Variants in PHF24 observed in about 807,000 individuals in gnomAD.
The protein encoded by PHF24 is PHD finger protein 24.
A neutral mutation model predicts 42.6 loss-of-function variants in PHF24; 25 were observed. The ratio of observed to expected loss-of-function variants is 0.59; its 90% CI spans 0.43 to 0.82. The LOEUF (loss-of-function observed/expected upper bound fraction) is 0.82. Among genes scored for constraint, PHF24 ranks in the 40% least tolerant of loss-of-function variants. PHF24 has a pLI of 0.00. For missense variants in PHF24, 470 were observed against 538.1 expected (o/e 0.87, Z 1.25); for synonymous variants, 185 against 204.8 (o/e 0.90, Z 0.83).
chr9:34,962,065 T>C (rs1245066985), intron 1 of PHF24, among the ~76,000 whole-genome samples: 1 of 152,216 alleles, frequency 6.6e-6, no homozygotes, highest in Non-Finnish European at 1.5e-5. Flanking sequence ...GGCCAAACAA[T>C]GCACTCACTG....
At chr9:34,872,660 T>C in the PHF24 span, among the ~76,000 whole-genome samples, 3,357 of 140,084 alleles carry the variant, frequency 0.024, 139 homozygotes, top group African/African-American at 0.082. Flanking sequence ...AATGCCGCAA[T>C]AAACATACGT....
the PHF24 span, among the ~76,000 whole-genome samples, chr9:34,825,588 A>G: frequency 1.2e-4 from 16 of 135,192 alleles, no homozygotes; most frequent in Admixed American, 1.1e-3. Flanking sequence ...TGTTTGCTCG[A>G]GCATGTCTGA....
the PHF24 span, among the ~76,000 whole-genome samples, chr9:34,710,769 C>T: frequency 2.0e-5 from 3 of 152,038 alleles, no homozygotes; most frequent in Admixed American, 6.5e-5. Context: ...CCACTACGTC[C>T]GGCTACTGTT....
At chr9:34,889,254 T>G in the PHF24 span, 2 of 398,686 alleles carry the variant, frequency 5.0e-6, no homozygotes, top group African/African-American at 2.1e-5. Context: ...GGGATAGATT[T>G]CCTGGTTGAG....
At chr9:34,971,520 C>G (rs371942641) in exon 2 of PHF24, 23 of 1,613,994 alleles carry the variant, frequency 1.4e-5, no homozygotes, top group Middle Eastern at 3.3e-4. Context: ...AGAGTAGTGC[C>G]GGCCGCGCAG....
chr9:34,974,549 G>A (rs1827119191), intron 3 of PHF24, among the ~76,000 whole-genome samples: 1 of 152,092 alleles, frequency 6.6e-6, no homozygotes, highest in African/African-American at 2.4e-5. Context: ...CTCTACTGAT[G>A]CTCTTCCAGC....
the PHF24 span, among the ~76,000 whole-genome samples, chr9:34,885,596 C>T: frequency 6.6e-6 from 1 of 152,182 alleles, no homozygotes; most frequent in Non-Finnish European, 1.5e-5. Flanking sequence ...CTGCTCAAGG[C>T]AGCCTCTGTC....
chr9:34,839,361 A>G, the PHF24 span, among the ~76,000 whole-genome samples: 1 of 152,202 alleles, frequency 6.6e-6, no homozygotes, highest in East Asian at 1.9e-4. Context: ...TGCCTGTAGG[A>G]TTTTTATTTG....
At chr9:34,915,026 C>CTTTTTTTTTTTT in the PHF24 span, among the ~76,000 whole-genome samples, 92 of 37,432 alleles carry the variant, frequency 2.5e-3, no homozygotes, top group Non-Finnish European at 2.7e-3. Context: ...TTTTTCTTTT[C>CTTTTTTTTTTTT]TTTTTTTTTT....
chr9:34,821,421 AG>A, the PHF24 span, among the ~76,000 whole-genome samples: 1 of 152,160 alleles, frequency 6.6e-6, no homozygotes, highest in Non-Finnish European at 1.5e-5. Flanking sequence ...TGAATTTCTC[AG>A]GGTTCCCTTT....
the PHF24 span, chr9:34,725,764 G>A: frequency 5.8e-6 from 9 of 1,549,812 alleles, no homozygotes; most frequent in South Asian, 1.1e-4. Context: ...GGGAAAGTGG[G>A]GAAGAGGGTG....
At chr9:34,883,342 A>G in the PHF24 span, among the ~76,000 whole-genome samples, 1 of 152,242 alleles carries the variant, frequency 6.6e-6, no homozygotes, top group Non-Finnish European at 1.5e-5. Flanking sequence ...AGCAATAGCA[A>G]CAAAAGCCAA....
chr9:34,962,360 T>C (rs1415615169), intron 1 of PHF24, among the ~76,000 whole-genome samples: 4 of 151,910 alleles, frequency 2.6e-5, no homozygotes, highest in African/African-American at 4.8e-5. Context: ...TGGAATGCTT[T>C]TTTTTTTTTT....
At chr9:34,931,725 G>A in the PHF24 span, among the ~76,000 whole-genome samples, 1 of 152,110 alleles carries the variant, frequency 6.6e-6, no homozygotes, top group Non-Finnish European at 1.5e-5. Flanking sequence ...AAGCCACCAT[G>A]CTTCTTATAC....
At chr9:34,789,771 A>G in the PHF24 span, among the ~76,000 whole-genome samples, 1 of 152,384 alleles carries the variant, frequency 6.6e-6, no homozygotes, top group African/African-American at 2.4e-5. Context: ...AGGACACTGC[A>G]ATAGGCATAT....
At chr9:34,858,915 A>G in the PHF24 span, among the ~76,000 whole-genome samples, 2 of 151,924 alleles carry the variant, frequency 1.3e-5, no homozygotes, top group Admixed American at 6.6e-5. Flanking sequence ...AAATTCAGCT[A>G]CCTCTCTCAC....
chr9:34,959,230 G>C (rs1238537349), intron 1 of PHF24, among the ~76,000 whole-genome samples: 1 of 152,212 alleles, frequency 6.6e-6, no homozygotes, highest in Non-Finnish European at 1.5e-5. Context: ...AGATCAGGTG[G>C]AATAACTGAC....
At chr9:34,958,198 GGGGCGGGT>G (rs1826440398), upstream of PHF24, 1 of 152,110 alleles carries the variant, frequency 6.6e-6, no homozygotes, top group African/African-American at 2.5e-5. The surrounding 1 kb of genome is among the most constrained non-coding windows in gnomAD (Gnocchi z 4.5). Flanking sequence ...GCAGCCCCCC[GGGGCGGGT>G]GGGTGTGCTC....
chr9:34,773,670 T>C, the PHF24 span, among the ~76,000 whole-genome samples: 10 of 152,302 alleles, frequency 6.6e-5, 1 homozygote, highest in South Asian at 1.9e-3. Flanking sequence ...TATGATATGA[T>C]GAAAATGGCA....
Sources: allele counts gnomAD v4.1 joint callset (sites outside exome capture counted in the v4.1 genomes callset), GRCh38; gene constraint gnomAD v4.1.1; non-coding constraint Gnocchi (gnomAD v3.1); transcripts MANE v1.5; gene names NCBI Gene and HGNC (gene_info 2026-07-23, HGNC 2026-07-21).